Variants in GRIN2A observed in about 807,000 individuals in gnomAD.
GRIN2A encodes the protein glutamate ionotropic receptor NMDA type subunit 2A.
GRIN2A carries 22 observed loss-of-function variants against 113.4 expected under a neutral mutation model. The ratio of observed to expected loss-of-function variants is 0.19; its 90% CI spans 0.14 to 0.28. GRIN2A has a LOEUF of 0.28. Among genes scored for constraint, GRIN2A ranks in the 10% least tolerant of loss-of-function variants. The pLI is 1.00. For synonymous variants in GRIN2A, 827 were observed against 738.4 expected (o/e 1.12, Z -1.94); for missense variants, 1,502 against 1,887.0 (o/e 0.80, Z 3.78).
intron 3 of GRIN2A, among the ~76,000 whole-genome samples, chr16:9,896,355 G>T (rs1420890156): frequency 6.6e-6 from 1 of 152,306 alleles, no homozygotes; most frequent in East Asian, 1.9e-4. Context: ...AGCCAAAACA[G>T]TGATTGTTTT....
In GRIN2A at chr16:9,805,912, C is replaced by G. The variant is rs143584359; in HGVS notation, c.2169-7448G>C. 1.2e-4 allele frequency among the ~76,000 whole-genome samples: 18 copies of G among 152,324 alleles called. No individual in the cohort carries two copies. In the East Asian group the frequency reaches 3.3e-3, roughly 28 times the overall value. On this transcript the variant is annotated intron_variant, in intron 10 of 12. Coordinates refer to ENST00000330684, the MANE Select transcript of GRIN2A (RefSeq NM_001134407.3). ...TTGGGCAAGAGACACTCAACCTATA[C>G]AGGGACTACCTGCCATCAGCACAGA...
At chr16:9,818,770 T>G (rs1045058863) in intron 10 of GRIN2A, among the ~76,000 whole-genome samples, 3 of 152,186 alleles carry the variant, frequency 2.0e-5, no homozygotes, top group Admixed American at 1.3e-4. Context: ...GGCAAAACTT[T>G]GGAGAAATAA....
intron 2 of GRIN2A, among the ~76,000 whole-genome samples, chr16:10,124,817 G>C (rs1448030891): frequency 7.2e-5 from 11 of 152,176 alleles, no homozygotes; most frequent in Non-Finnish European, 1.5e-5. Context: ...TAAAGTTGTG[G>C]TACAGCTAAT....
chr16:9,776,564 C>T (rs1341340545), intron 11 of GRIN2A, among the ~76,000 whole-genome samples: 1 of 151,918 alleles, frequency 6.6e-6, no homozygotes, highest in East Asian at 1.9e-4. Context: ...ATTCTGAAAC[C>T]CAGAAATCAA....
chr16:10,124,729 G>A (rs1242315994), intron 2 of GRIN2A, among the ~76,000 whole-genome samples: 1 of 152,188 alleles, frequency 6.6e-6, no homozygotes, highest in African/African-American at 2.4e-5. Flanking sequence ...TGTTGTACAA[G>A]ACAGAGCAGA....
rs1900299225 is a variant in GRIN2A, at chr16:9,755,063, T to G, written c.*8086A>C. Reference sequence around the variant, plus strand: ...GTGAAAGAGAATTAACTGGAAGAGGTCATGACCCAGGGCTAATGAAGAATG... The same window carrying G: ...GTGAAAGAGAATTAACTGGAAGAGGGCATGACCCAGGGCTAATGAAGAATG... On this transcript the variant is annotated 3_prime_UTR_variant, in exon 13 of 13. Transcript: ENST00000330684. The G allele has an allele frequency of 5.0e-6, 1 of 199,186 alleles. No homozygotes were observed. Among genetic ancestry groups the G allele is most frequent in the South Asian group, 1.9e-4 (1 of 5,232 alleles). 12.3% of individuals were successfully genotyped at this position (199,186 alleles called of 1,614,324 possible).
At chr16:9,931,341 T>C (rs1207021706) in intron 3 of GRIN2A, among the ~76,000 whole-genome samples, 1 of 151,938 alleles carries the variant, frequency 6.6e-6, no homozygotes, top group African/African-American at 2.4e-5. Flanking sequence ...ATAAGAAAAA[T>C]AAAATTATAA....
intron 9 of GRIN2A, among the ~76,000 whole-genome samples, chr16:9,824,172 C>T (rs1283542172): frequency 6.6e-6 from 1 of 152,232 alleles, no homozygotes; most frequent in East Asian, 1.9e-4. Flanking sequence ...AAGTGGCCAT[C>T]CATTTTCCAA....
intron 2 of GRIN2A, among the ~76,000 whole-genome samples, chr16:10,163,474 G>C (rs967662073): frequency 5.9e-5 from 9 of 152,128 alleles, no homozygotes; most frequent in African/African-American, 2.2e-4. Flanking sequence ...ATACACGTTG[G>C]CATAAATGAC....
intron 2 of GRIN2A, among the ~76,000 whole-genome samples, chr16:10,162,997 A>C (rs1301714967): frequency 6.6e-6 from 1 of 152,230 alleles, no homozygotes; most frequent in Non-Finnish European, 1.5e-5. Context: ...ATCTTTAACA[A>C]AGTTAATTTA....
chr16:10,159,587 C>G (rs1097845), intron 2 of GRIN2A, among the ~76,000 whole-genome samples: 148,886 of 152,272 alleles, frequency 0.98, 72,866 homozygotes, highest in East Asian at 1. Context: ...TGACTTCCAA[C>G]AAGCAGCGGA....
intron 2 of GRIN2A, among the ~76,000 whole-genome samples, chr16:10,140,341 A>G (rs906684044): frequency 1.3e-5 from 2 of 152,172 alleles, no homozygotes; most frequent in Non-Finnish European, 2.9e-5. Flanking sequence ...AAAGGTGAGG[A>G]ACTTCAGAAG....
In GRIN2A at chr16:9,760,715, A is replaced by G. The variant is rs1175015114; in HGVS notation, c.*2434T>C. 4.4e-6 allele frequency: 1 copy of G among 227,500 alleles called. No individual in the cohort carries two copies. Among genetic ancestry groups the G allele is most frequent in the Non-Finnish European group, 8.7e-6 (1 of 114,542 alleles). The allele number at this position is 227,500 out of a possible 1,614,324, so 14.1% of individuals were successfully genotyped here. Reference sequence around the variant, plus strand: ...GCATTTGGCAGCCCCCTGGGTTTAGAGGACACCAGAGGAAGACAGAAAGCC... The same window carrying G: ...GCATTTGGCAGCCCCCTGGGTTTAGGGGACACCAGAGGAAGACAGAAAGCC... On this transcript the variant is annotated 3_prime_UTR_variant, in exon 13 of 13. Transcript: ENST00000330684.
chr16:9,954,188 C>T (rs1263420769), intron 2 of GRIN2A, among the ~76,000 whole-genome samples: 1 of 152,116 alleles, frequency 6.6e-6, no homozygotes, highest in Non-Finnish European at 1.5e-5. Context: ...TTTTTAATTC[C>T]AAAATCATGC....
chr16:9,815,943 G>A (rs2042177905), intron 10 of GRIN2A, among the ~76,000 whole-genome samples: 1 of 152,190 alleles, frequency 6.6e-6, no homozygotes, highest in Admixed American at 6.5e-5. Context: ...CCTTAAAAAG[G>A]AATAAAATTT....
intron 2 of GRIN2A, among the ~76,000 whole-genome samples, chr16:9,958,025 A>G (rs1015132076): frequency 4.6e-5 from 7 of 152,200 alleles, no homozygotes; most frequent in Admixed American, 3.9e-4. Context: ...AGAGATAGTG[A>G]TAAACTGCTT....
At chr16:9,881,000 A>G (rs1312828081) in intron 4 of GRIN2A, among the ~76,000 whole-genome samples, 1 of 152,180 alleles carries the variant, frequency 6.6e-6, no homozygotes. Context: ...ACCCTCAGAT[A>G]TGACTTGCAC....
chr16:10,162,584 G>C (rs953879048), intron 2 of GRIN2A, among the ~76,000 whole-genome samples: 1 of 152,140 alleles, frequency 6.6e-6, no homozygotes, highest in African/African-American at 2.4e-5. Context: ...TCCTCCCTTT[G>C]TGTGTTTATG....
chr16:9,997,190 A>G (rs1267125814), intron 2 of GRIN2A, among the ~76,000 whole-genome samples: 1 of 152,224 alleles, frequency 6.6e-6, no homozygotes, highest in Non-Finnish European at 1.5e-5. Flanking sequence ...ACTTTCTAAC[A>G]CTGGAACAAA....
Sources: gnomAD v4.1 joint callset for allele counts (sites outside exome capture counted in the v4.1 genomes callset) on GRCh38, gnomAD v4.1.1 for gene constraint, MANE v1.5 for transcripts, NCBI Gene and HGNC (gene_info 2026-07-23, HGNC 2026-07-21) for gene names.